NCKAP5: variants seen among roughly 807,000 people sequenced by gnomAD.
NCKAP5 encodes the protein NCK associated protein 5, also known as nck-associated protein 5.
A neutral mutation model predicts 167.0 loss-of-function variants in NCKAP5; 92 were observed. That is an observed-to-expected ratio of 0.55 (90% CI 0.47 to 0.66). NCKAP5 has a LOEUF of 0.66. NCKAP5 is among the 30% of genes least tolerant of loss of function. The pLI is 0.00. For synonymous variants in NCKAP5, 891 were observed against 877.4 expected (o/e 1.02, Z -0.27); for missense variants, 2,378 against 2,315.0 (o/e 1.03, Z -0.56).
intron 5 of NCKAP5, among the ~76,000 whole-genome samples, chr2:133,193,336 T>A (rs560260501): frequency 3.3e-5 from 5 of 152,006 alleles, no homozygotes; most frequent in Non-Finnish European, 7.4e-5. Context: ...TTTGACTGTA[T>A]CAATGTCAAC....
chr2:132,781,142 G>C lies in NCKAP5; in HGVS notation c.4959C>G (p.Ser1653=). The C allele has an allele frequency of 1.2e-6, 2 of 1,613,902 alleles. No homozygotes were observed. Among genetic ancestry groups the C allele is most frequent in the South Asian group, 1.1e-5 (1 of 91,064 alleles). Reference sequence around the variant, plus strand: ...TACTGATAGAGCTGCCGATGAGACAGGAGCCCTGAGAACTGCCCTTTAACA... The same window carrying C: ...TACTGATAGAGCTGCCGATGAGACACGAGCCCTGAGAACTGCCCTTTAACA... The part of the protein sequence containing the change: ...RNVLKGSSQG[S]CLIGSSISTQ... The change falls in exon 15 of 20, where the codon TCC becomes TCG. Residue 1653 remains serine, a synonymous_variant. Transcript: ENST00000409261.
intron 6 of NCKAP5, among the ~76,000 whole-genome samples, chr2:133,032,641 T>C (rs2078916370): frequency 6.6e-6 from 1 of 152,178 alleles, no homozygotes; most frequent in Non-Finnish European, 1.5e-5. Flanking sequence ...AGGGAGTGGT[T>C]ACAGCAGGTC....
In NCKAP5 at chr2:133,046,441, T is replaced by C. The variant is rs2079402062; in HGVS notation, c.342-52202A>G. On this transcript the variant is annotated intron_variant, in intron 6 of 19. Coordinates refer to ENST00000409261, the MANE Select transcript of NCKAP5 (RefSeq NM_207363.3). ...GTCCCCAGGCTGGAGTGGAGTGGTG[T>C]GATCATGGCTCACTACACCCTCGAC... Among the ~76,000 whole-genome samples, 6 of 152,144 alleles carry C rather than the reference T, an allele frequency of 3.9e-5. 1 individual carries two copies. The South Asian group carries it at 1.2e-3, about 32-fold the overall frequency.
intron 19 of NCKAP5, among the ~76,000 whole-genome samples, chr2:132,712,570 T>G (rs1333488755): frequency 6.6e-6 from 1 of 152,026 alleles, no homozygotes; most frequent in Non-Finnish European, 1.5e-5. Context: ...GAGAATGGCG[T>G]GAACCCGGAA....
chr2:132,996,660 T>C (rs1414693004), intron 6 of NCKAP5, among the ~76,000 whole-genome samples: 1 of 152,242 alleles, frequency 6.6e-6, no homozygotes, highest in Non-Finnish European at 1.5e-5. Context: ...CTGGAATAAA[T>C]GACAACATTT....
intron 3 of NCKAP5, among the ~76,000 whole-genome samples, chr2:133,468,790 T>C (rs1038129043): frequency 6.6e-6 from 1 of 152,206 alleles, no homozygotes; most frequent in Non-Finnish European, 1.5e-5. Flanking sequence ...CTTTTGATCT[T>C]TGTTGGTTTA....
the NCKAP5 span, among the ~76,000 whole-genome samples, chr2:133,643,189 C>A: frequency 1.3e-5 from 2 of 152,250 alleles, no homozygotes; most frequent in East Asian, 3.9e-4. Context: ...AACAAGTCTG[C>A]ACATTTATAC....
At chr2:133,327,095 A>T (rs1228602272) in intron 3 of NCKAP5, among the ~76,000 whole-genome samples, 2 of 152,154 alleles carry the variant, frequency 1.3e-5, no homozygotes, top group Non-Finnish European at 2.9e-5. Flanking sequence ...TTGAATCAGA[A>T]TCTTCAGAAA....
chr2:133,089,196 A>C (rs2081091582), intron 6 of NCKAP5, among the ~76,000 whole-genome samples: 1 of 152,228 alleles, frequency 6.6e-6, no homozygotes, highest in Admixed American at 6.5e-5. Flanking sequence ...CACCTGCTGA[A>C]GTTTCCATTC....
the NCKAP5 span, among the ~76,000 whole-genome samples, chr2:133,597,673 C>CAAA: frequency 5.2e-3 from 312 of 60,270 alleles, no homozygotes; most frequent in East Asian, 0.01. Flanking sequence ...GACTCTGTCT[C>CAAA]AAAAAAAAAA....
At chr2:132,789,175 A>G (rs1683844473) in intron 13 of NCKAP5, among the ~76,000 whole-genome samples, 1 of 152,208 alleles carries the variant, frequency 6.6e-6, no homozygotes, top group Non-Finnish European at 1.5e-5. Context: ...GAGAGAGACA[A>G]AGAGGTGTGA....
At chr2:133,342,602 T>A (rs1683672928) in intron 3 of NCKAP5, among the ~76,000 whole-genome samples, 1 of 152,148 alleles carries the variant, frequency 6.6e-6, no homozygotes, top group Non-Finnish European at 1.5e-5. Flanking sequence ...CTTTGGAAAG[T>A]CCCTAGCATC....
chr2:132,868,262 A>G (rs1327728856), intron 10 of NCKAP5, among the ~76,000 whole-genome samples: 3 of 152,282 alleles, frequency 2.0e-5, no homozygotes, highest in African/African-American at 7.2e-5. Context: ...GATGGTAAAC[A>G]TTCCATAAAA....
intron 19 of NCKAP5, among the ~76,000 whole-genome samples, chr2:132,690,838 A>T (rs1686641464): frequency 6.6e-6 from 1 of 152,068 alleles, no homozygotes; most frequent in Admixed American, 6.5e-5. Context: ...AGCAGCACCC[A>T]CTTCTCCCTC....
chr2:133,255,717 T>C (rs541099211), intron 4 of NCKAP5, among the ~76,000 whole-genome samples: 1 of 152,334 alleles, frequency 6.6e-6, no homozygotes, highest in African/African-American at 2.4e-5. Flanking sequence ...AACCATTGCT[T>C]AGAATCCTTG....
At chr2:133,330,246 T>C (rs1682756650) in intron 3 of NCKAP5, among the ~76,000 whole-genome samples, 1 of 120,638 alleles carries the variant, frequency 8.3e-6, no homozygotes, top group African/African-American at 4.1e-5. Context: ...TTTTTTGTAT[T>C]TTTTTTTTTT....
At chr2:132,991,021 C>A (rs2077433766) in intron 7 of NCKAP5, among the ~76,000 whole-genome samples, 1 of 152,160 alleles carries the variant, frequency 6.6e-6, no homozygotes, top group South Asian at 2.1e-4. Context: ...AGATAATAAG[C>A]AGACCTATCA....
intron 2 of NCKAP5, among the ~76,000 whole-genome samples, chr2:133,536,966 GT>G (rs923179295): frequency 2.0e-5 from 3 of 151,636 alleles, no homozygotes; most frequent in African/African-American, 7.3e-5. Flanking sequence ...CATTTTAAGG[GT>G]TTTTTTGGTA....
At chr2:133,035,608 T>G (rs556030093) in intron 6 of NCKAP5, among the ~76,000 whole-genome samples, 1 of 151,960 alleles carries the variant, frequency 6.6e-6, no homozygotes, top group South Asian at 2.1e-4. Context: ...TGAGAGGAAT[T>G]TTGGAAACTA....
Sources: gnomAD v4.1 joint callset for allele counts (sites outside exome capture counted in the v4.1 genomes callset) on GRCh38, gnomAD v4.1.1 for gene constraint, MANE v1.5 for transcripts, NCBI Gene and HGNC (gene_info 2026-07-23, HGNC 2026-07-21) for gene names.